The following NTRK1 variants were observed in gnomAD, a reference collection of about 807,000 sequenced individuals.
NTRK1 encodes the protein neurotrophic receptor tyrosine kinase 1.
In NTRK1, 62 loss-of-function variants were observed where a neutral mutation model predicts 86.8. The ratio of observed to expected loss-of-function variants is 0.71; its 90% CI spans 0.58 to 0.88. The LOEUF (loss-of-function observed/expected upper bound fraction) is 0.88, where lower values mean the gene tolerates loss of function less well. Ranked by LOEUF, NTRK1 falls within the 40% of genes least tolerant of loss-of-function variation. NTRK1 has a pLI of 0.00. For missense variants in NTRK1, 967 were observed against 1,078.4 expected, an observed-to-expected ratio of 0.90 and a Z score of 1.45; for synonymous variants, 469 against 456.6, an observed-to-expected ratio of 1.03 and a Z score of -0.35.
chr1:156,853,429 G>T (rs551938016), intron 2 of NTRK1, among the ~76,000 whole-genome samples: 5 of 152,190 alleles, frequency 3.3e-5, no homozygotes, highest in Non-Finnish European at 7.3e-5. Flanking sequence ...AGGTCCTCTG[G>T]CTTTGGACTT....
intron 1 of NTRK1, among the ~76,000 whole-genome samples, chr1:156,819,639 C>T (rs189571416): frequency 6.6e-6 from 1 of 152,160 alleles, no homozygotes; most frequent in East Asian, 1.9e-4. Flanking sequence ...CCTGCCTCAG[C>T]TTCCTGAGTA....
At chr1:156,851,312 G>A (rs1332363384) in intron 2 of NTRK1, 3 of 1,614,004 alleles carry the variant, frequency 1.9e-6, no homozygotes, top group South Asian at 2.2e-5. Context: ...GCGTCTCCCC[G>A]GATTAGTTTG....
chr1:156,878,344 C>CCATT (rs1313249842), intron 14 of NTRK1, among the ~76,000 whole-genome samples: 16 of 152,218 alleles, frequency 1.1e-4, no homozygotes, highest in African/African-American at 3.6e-4. Context: ...AGGAAGCCTT[C>CCATT]CCTGGCTTTT....
chr1:156,830,893 A>G (rs1654452989), intron 1 of NTRK1, among the ~76,000 whole-genome samples: 1 of 152,204 alleles, frequency 6.6e-6, no homozygotes, highest in Non-Finnish European at 1.5e-5. Context: ...TGTGCCAGCC[A>G]TCAGAGGCTT....
chr1:156,832,572 C>T (rs1265868025), intron 1 of NTRK1, among the ~76,000 whole-genome samples: 1 of 152,004 alleles, frequency 6.6e-6, no homozygotes, highest in Non-Finnish European at 1.5e-5. Flanking sequence ...GATGCTGAGT[C>T]GCAGGAGCAA....
chr1:156,875,760 C>A lies in NTRK1; in HGVS notation c.1501+94C>A, dbSNP rs1222913395. The A allele has an allele frequency of 7.3e-6, 11 of 1,516,062 alleles. 1 individual carries two copies. In the South Asian group the frequency reaches 8.1e-5, roughly 11 times the overall value. 93.9% of individuals were successfully genotyped at this position (1,516,062 alleles called of 1,614,324 possible). ...GTAGAAGCCCCTAGGCCTGAACGAT[C>A]CCTCCCTTTCTCCCACCCCTCCCCA... On this transcript the variant is annotated intron_variant, in intron 12 of 16. Coordinates refer to ENST00000524377, the MANE Select transcript of NTRK1 (RefSeq NM_002529.4).
chr1:156,844,890 A>G, intron 2 of NTRK1: 1 of 1,609,668 alleles, frequency 6.2e-7, no homozygotes, highest in East Asian at 2.2e-5. Context: ...GGTTCATCTC[A>G]CCTTATGTTC....
chr1:156,849,247 G>A (rs1655119896), intron 2 of NTRK1: 7 of 1,613,558 alleles, frequency 4.3e-6, no homozygotes, highest in Admixed American at 1.7e-5. Context: ...GGGTCTCACA[G>A]GCGGCGCGGT....
At chr1:156,851,518 A>G (rs773733734) in intron 2 of NTRK1, 2 of 1,599,310 alleles carry the variant, frequency 1.3e-6, no homozygotes, top group Non-Finnish European at 8.6e-7. Flanking sequence ...GGGCCCCGGG[A>G]AGGTGGGCCC....
chr1:156,881,569 G>A lies in NTRK1; in HGVS notation c.2318G>A (p.Ser773Asn), dbSNP rs2102931242. The change falls in exon 17 of 17, where the codon AGC becomes AAC. Residue 773 changes from serine to asparagine, a missense_variant. Physicochemically the swap from Ser to Asn is conservative, Grantham distance 46. Coordinates refer to ENST00000524377, the MANE Select transcript of NTRK1 (RefSeq NM_002529.4). ...CWQREPQQRH[S>N]IKDVHARLQA... Reference sequence around the variant, plus strand: ...CAGCGGGAGCCCCAGCAACGCCACAGCATCAAGGATGTGCACGCCCGGCTG... The same window carrying A: ...CAGCGGGAGCCCCAGCAACGCCACAACATCAAGGATGTGCACGCCCGGCTG... The A allele has an allele frequency of 1.2e-6, 2 of 1,611,612 alleles. No individual in the cohort carries two copies. Among genetic ancestry groups the A allele is most frequent in the Non-Finnish European group, 8.5e-7 (1 of 1,179,262 alleles).
rs781038209 is a variant in NTRK1, at chr1:156,854,196, C to A, written c.51-10158C>A. 1 of 1,614,092 alleles carries A rather than the reference C, an allele frequency of 6.2e-7. No individual in the cohort carries two copies. Among genetic ancestry groups the A allele is most frequent in the Non-Finnish European group, 8.5e-7 (1 of 1,180,028 alleles). The stretch of plus-strand genomic sequence containing the variant: ...AAGCTGAGGCCGCGGAAGTCCTCCC[C>A]GGTGGCTGTGAACATGAGCAGGATC... On this transcript the variant is annotated intron_variant, in intron 2 of 16. Coordinates refer to the NTRK1 transcript ENST00000392302. This position sits in a 1 kb window ranked among gnomAD's most constrained non-coding sequence, Gnocchi z 4.2.
chr1:156,817,047 T>TTCTCTCCCTCTCTCTCTCTCTCTCTC (rs1654010160), intron 1 of NTRK1, among the ~76,000 whole-genome samples: 1 of 113,782 alleles, frequency 8.8e-6, no homozygotes, highest in Non-Finnish European at 1.8e-5. Context: ...GAACTTCCCT[T>TTCTCTCCCTCTCTCTCTCTCTCTCTC]TCTCTCTCTC....
chr1:156,842,278 C>G (rs974057880), intron 2 of NTRK1: 6 of 1,613,742 alleles, frequency 3.7e-6, no homozygotes, highest in African/African-American at 1.3e-5. Context: ...TGTTCTAGAG[C>G]CAAGATTGGG....
chr1:156,881,444 C>A lies in NTRK1; in HGVS notation c.2206-13C>A. The A allele has an allele frequency of 6.4e-7, 1 of 1,555,184 alleles. No individual in the cohort carries two copies. Reference sequence around the variant, plus strand: ...CTAGTGGGCTTTCTCCTCTGTCTCTCCGGTGGCCCCAGGCAATCGACTGCA... The same window carrying A: ...CTAGTGGGCTTTCTCCTCTGTCTCTACGGTGGCCCCAGGCAATCGACTGCA... On this transcript the variant is annotated splice_polypyrimidine_tract_variant and intron_variant, in intron 16 of 16. Coordinates refer to ENST00000524377, the MANE Select transcript of NTRK1 (RefSeq NM_002529.4).
At position 156,874,228 on chromosome 1, in the gene NTRK1, A is replaced by G. The variant is rs140550074; in HGVS notation, c.1178-155A>G. On this transcript the variant is annotated intron_variant, in intron 8 of 16. Coordinates refer to ENST00000524377, the MANE Select transcript of NTRK1 (RefSeq NM_002529.4). ...GCCCAGCTGGAAAAGGGTCACATGC[A>G]TCTTCTTCCTTGAGGCCCAGCAGCC... The G allele has an allele frequency of 4.8e-3, 5,676 of 1,186,224 alleles. 22 individuals are homozygous for G. The highest frequency in any genetic ancestry group is 7.4e-3 in the Admixed American group (437 of 58,952). The allele number at this position is 1,186,224 out of a possible 1,614,324, so 73.5% of individuals were successfully genotyped here. A position where few individuals can be genotyped will look rare whatever the true frequency, so the allele number is the denominator to read the frequency against.
chr1:156,865,830 G>A (rs926104226), intron 3 of NTRK1, among the ~76,000 whole-genome samples: 1 of 152,212 alleles, frequency 6.6e-6, no homozygotes, highest in African/African-American at 2.4e-5. Context: ...GGATGGTGGG[G>A]CTGACACTCA....
chr1:156,850,249 T>C (rs1464645937), intron 2 of NTRK1, among the ~76,000 whole-genome samples: 2 of 152,092 alleles, frequency 1.3e-5, no homozygotes, highest in African/African-American at 4.8e-5. Flanking sequence ...TCTCCCTCTG[T>C]CACCCAGGCT....
chr1:156,873,764 A>C lies in NTRK1; in HGVS notation c.982A>C (p.Ile328Leu), dbSNP rs867386138. 6.2e-7 allele frequency: 1 copy of C among 1,613,300 alleles called. No individual in the cohort carries two copies. The highest frequency in any genetic ancestry group is 8.5e-7 in the Non-Finnish European group (1 of 1,179,772). ...NGSVLNETSF[I>L]FTEFLEPAAN... Reference sequence around the variant, plus strand: ...CTCCGTGCTCAATGAGACCAGCTTCATCTTCACTGAGTTCCTGGAGCCGGC... The same window carrying C: ...CTCCGTGCTCAATGAGACCAGCTTCCTCTTCACTGAGTTCCTGGAGCCGGC... The change falls in exon 8 of 17, where the codon ATC (isoleucine) becomes CTC (leucine). Residue 328 changes from isoleucine to leucine, a missense_variant. Transcript: ENST00000524377.
upstream of NTRK1, among the ~76,000 whole-genome samples, chr1:156,857,025 T>TGCCACGC (rs970865684): frequency 2.0e-5 from 3 of 152,108 alleles, no homozygotes; most frequent in African/African-American, 7.2e-5. Flanking sequence ...ACATGCCACA[T>TGCCACGC]GCCACGCTAT....
Sources: gnomAD v4.1 joint callset for allele counts (sites outside exome capture counted in the v4.1 genomes callset) on GRCh38, gnomAD v4.1.1 for gene constraint, Gnocchi (gnomAD v3.1) non-coding constraint, MANE v1.5 for transcripts, NCBI Gene and HGNC (gene_info 2026-07-23, HGNC 2026-07-21) for gene names.